The following HIP1 variants were observed in gnomAD, a reference collection of about 807,000 sequenced individuals.
HIP1 encodes the protein huntingtin-interacting protein 1.
In HIP1, 65 loss-of-function variants were observed where a neutral mutation model predicts 147.6. The ratio of observed to expected loss-of-function variants is 0.44; its 90% confidence interval spans 0.36 to 0.54. The LOEUF (loss-of-function observed/expected upper bound fraction) is 0.54. HIP1 is among the 20% of genes least tolerant of loss of function. The pLI, the probability that HIP1 is intolerant of heterozygous loss-of-function variation, is 0.00. For missense variants in HIP1, 1,061 were observed against 1,299.6 expected, an observed-to-expected ratio of 0.82 and a Z score of 2.82; for synonymous variants, 479 against 504.0, an observed-to-expected ratio of 0.95 and a Z score of 0.67.
At chr7:75,641,322 C>T (rs1366249138) in intron 1 of HIP1, among the ~76,000 whole-genome samples, 1 of 151,944 alleles carries the variant, frequency 6.6e-6, no homozygotes, top group Non-Finnish European at 1.5e-5. Flanking sequence ...GTTGTACAGG[C>T]TGGTCCCTTC....
chr7:75,595,982 A>T (rs1554501902), intron 2 of HIP1, among the ~76,000 whole-genome samples: 3 of 152,116 alleles, frequency 2.0e-5, no homozygotes, highest in Non-Finnish European at 4.4e-5. Flanking sequence ...TCACGCCTGT[A>T]ATTGCAGCAC....
chr7:75,665,681 AG>A (rs1799536170), intron 1 of HIP1, among the ~76,000 whole-genome samples: 1 of 152,022 alleles, frequency 6.6e-6, no homozygotes, highest in African/African-American at 2.4e-5. Context: ...CTGGGATTGC[AG>A]GCATGCCATC....
At chr7:75,558,440 T>C (rs1318073573) in intron 14 of HIP1, among the ~76,000 whole-genome samples, 185 bp from the exon 15 acceptor site, 1 of 152,132 alleles carries the variant, frequency 6.6e-6, no homozygotes. Context: ...TGGGCTCAAG[T>C]CATCCTCCCA....
At chr7:75,714,001 C>CT (rs58935776) in intron 1 of HIP1, among the ~76,000 whole-genome samples, 3,954 of 148,358 alleles carry the variant, frequency 0.027, 63 homozygotes, top group Non-Finnish European at 0.032. Flanking sequence ...TGCCCAGCCT[C>CT]TTTTTTTTTT....
intron 1 of HIP1, among the ~76,000 whole-genome samples, chr7:75,642,877 A>G (rs1798691608): frequency 1.3e-5 from 2 of 152,196 alleles, no homozygotes; most frequent in South Asian, 2.1e-4. Flanking sequence ...CCTGTGAGCA[A>G]ACTCAGGCCA....
chr7:75,554,626 G>A, intron 19 of HIP1, 100 bp from the exon 20 acceptor site: 1 of 795,990 alleles, frequency 1.3e-6, no homozygotes, highest in South Asian at 1.5e-5. Context: ...TAGTGGGTAA[G>A]CTTCCTGCCT....
chr7:75,596,782 T>C (rs1156879618), intron 2 of HIP1, among the ~76,000 whole-genome samples: 1 of 152,202 alleles, frequency 6.6e-6, no homozygotes, highest in African/African-American at 2.4e-5. Flanking sequence ...AGAGTTCCAG[T>C]GGCAGAATGT....
rs1795490744 is a variant in HIP1, at chr7:75,568,402, G to A, written c.746-146C>T. 1.7e-5 allele frequency: 11 copies of A among 663,680 alleles called. No individual in the cohort carries two copies. The highest frequency in any genetic ancestry group is 9.5e-5 in the South Asian group (6 of 63,138). 41.1% of individuals were successfully genotyped at this position (663,680 alleles called of 1,614,324 possible). Reference sequence around the variant, plus strand: ...GCCACGACTGGCCTAGAGCTGTCCCGAGGTCTGGTAACCAAGGGAGCCCAG... The same window carrying A: ...GCCACGACTGGCCTAGAGCTGTCCCAAGGTCTGGTAACCAAGGGAGCCCAG... On this transcript the variant is annotated intron_variant, in intron 8 of 30. Transcript: ENST00000336926. This position sits in a 1 kb window ranked among gnomAD's most constrained non-coding sequence, Gnocchi z 4.1.
At chr7:75,669,602 T>A (rs1799676572) in intron 1 of HIP1, among the ~76,000 whole-genome samples, 2 of 151,838 alleles carry the variant, frequency 1.3e-5, no homozygotes, top group Non-Finnish European at 2.9e-5. Context: ...ACCATACCTG[T>A]TAGTAGTCAC....
intron 1 of HIP1, among the ~76,000 whole-genome samples, chr7:75,631,519 C>T (rs1798220578): frequency 6.6e-6 from 1 of 152,134 alleles, no homozygotes; most frequent in Non-Finnish European, 1.5e-5. Flanking sequence ...GCTGTGGAGT[C>T]TGGCTGGGAT....
chr7:75,600,773 C>T (rs782318490), intron 1 of HIP1, among the ~76,000 whole-genome samples: 1 of 152,010 alleles, frequency 6.6e-6, no homozygotes, highest in Non-Finnish European at 1.5e-5. Flanking sequence ...TATTATTTTT[C>T]GTCCTGAGAC....
intron 1 of HIP1, among the ~76,000 whole-genome samples, chr7:75,636,223 C>T (rs62475465): frequency 0.19 from 28,296 of 151,304 alleles, 3,017 homozygotes; most frequent in Non-Finnish European, 0.25. Flanking sequence ...TGGGGGCGCG[C>T]GCCTGTAGTC....
chr7:75,635,498 A>C (rs993925531), intron 1 of HIP1, among the ~76,000 whole-genome samples: 4 of 150,224 alleles, frequency 2.7e-5, no homozygotes, highest in Admixed American at 2.0e-4. Flanking sequence ...GAATCGCTTG[A>C]ACCCAGGAGG....
intron 23 of HIP1, 24 bp from the exon 24 acceptor site, chr7:75,547,837 T>C (rs1200705690): frequency 6.2e-7 from 1 of 1,603,988 alleles, no homozygotes; most frequent in East Asian, 2.2e-5. Context: ...GCATGGTTTC[T>C]AAATGTGCCT....
chr7:75,692,479 G>A (rs1800492761), intron 1 of HIP1, among the ~76,000 whole-genome samples: 1 of 151,578 alleles, frequency 6.6e-6, no homozygotes, highest in Non-Finnish European at 1.5e-5. Context: ...GGAGTACAGT[G>A]GCGCGATCTT....
At chr7:75,670,348 G>T (rs1433186448) in intron 1 of HIP1, among the ~76,000 whole-genome samples, 3 of 148,718 alleles carry the variant, frequency 2.0e-5, no homozygotes, top group Non-Finnish European at 4.4e-5. Flanking sequence ...CTAGGGATGG[G>T]GTTTCACCAT....
chr7:75,657,699 A>C (rs757362), intron 1 of HIP1, among the ~76,000 whole-genome samples: 1 of 151,722 alleles, frequency 6.6e-6, no homozygotes. Flanking sequence ...CTCAGTGCAC[A>C]GACATAATGC....
At chr7:75,584,632 G>C (rs140401959) in intron 5 of HIP1, among the ~76,000 whole-genome samples, 1 of 152,010 alleles carries the variant, frequency 6.6e-6, no homozygotes, top group Non-Finnish European at 1.5e-5. Flanking sequence ...GGCACCAGCT[G>C]CTTCTGATGC....
Position 75,554,114 on chromosome 7 carries a change from G to A in HIP1, c.2157C>T (p.Asp719=). The A allele has an allele frequency of 4.3e-6, 7 of 1,612,510 alleles. No individual in the cohort carries two copies. The highest frequency in any genetic ancestry group is 5.9e-6 in the Non-Finnish European group (7 of 1,178,750). ...AGCCCCTCATGCCCCGGTACTCACA[G>A]TCGGCAGGCTCAGGTGGGGCTCTGA... ...TCLRAPPEPA[D]SLTEACKQYG... The change falls in exon 21 of 31, where the codon GAC becomes GAT. Residue 719 remains aspartate, a splice_region_variant and synonymous_variant. Transcript: ENST00000336926.
Sources: allele counts gnomAD v4.1 joint callset (sites outside exome capture counted in the v4.1 genomes callset), GRCh38; gene constraint gnomAD v4.1.1; non-coding constraint Gnocchi (gnomAD v3.1); transcripts MANE v1.5; gene names NCBI Gene and HGNC (gene_info 2026-07-23, HGNC 2026-07-21).